KIDINS220: variants seen among roughly 807,000 people sequenced by gnomAD.
KIDINS220 encodes kinase D interacting substrate 220.
Under a neutral mutation model 157.6 loss-of-function variants are expected in KIDINS220, and 63 were observed. The ratio of observed to expected loss-of-function variants is 0.40; its 90% confidence interval spans 0.33 to 0.49. The LOEUF is 0.49. Ranked by LOEUF, KIDINS220 falls within the 20% of genes least tolerant of loss-of-function variation. The pLI, the probability that KIDINS220 is intolerant of heterozygous loss-of-function variation, is 0.66. For synonymous variants in KIDINS220, 732 were observed against 783.6 expected (o/e 0.93, Z 1.10); for missense variants, 1,772 against 2,171.2 (o/e 0.82, Z 3.65).
chr2:8,811,793 C>T (rs1201069071), intron 6 of KIDINS220, among the ~76,000 whole-genome samples: 1 of 151,850 alleles, frequency 6.6e-6, no homozygotes, highest in Non-Finnish European at 1.5e-5. Flanking sequence ...AAAAGAATAG[C>T]ACATCATTCT....
At chr2:8,779,878 TTAGAAAGCGTGA>T in intron 17 of KIDINS220, 64 bp from the exon 18 acceptor site, 1 of 1,540,218 alleles carries the variant, frequency 6.5e-7, no homozygotes. Context: ...AACATATTTC[TTAGAAAGCGTGA>T]TAGAAAGTCA....
chr2:8,733,067 T>C (rs1287147647), intron 29 of KIDINS220, among the ~76,000 whole-genome samples: 1 of 152,226 alleles, frequency 6.6e-6, no homozygotes, highest in Non-Finnish European at 1.5e-5. Context: ...GGACACTATG[T>C]GGCCAGTGTT....
intron 17 of KIDINS220, among the ~76,000 whole-genome samples, chr2:8,781,806 T>C (rs1199796610): frequency 6.6e-6 from 1 of 152,236 alleles, no homozygotes; most frequent in African/African-American, 2.4e-5. Context: ...AATGCATATA[T>C]TCGTAAAGAA....
At position 8,731,869 on chromosome 2, in the gene KIDINS220, T is replaced by C; in HGVS notation, c.4167A>G (p.Glu1389=). 3 of 1,614,164 alleles carry C rather than the reference T, an allele frequency of 1.9e-6. No homozygotes were observed. Among genetic ancestry groups the C allele is most frequent in the Non-Finnish European group, 2.5e-6 (3 of 1,180,020 alleles). The change falls in exon 30 of 30, where the codon GAA becomes GAG. Residue 1389 remains glutamate (E), a synonymous_variant. Transcript: ENST00000256707. The surrounding 1 kb of genome is among the most constrained non-coding windows in gnomAD (Gnocchi z 5.2). ...VQAEYRDAYR[E]YIAQMSQLEG... is the part of the protein sequence containing the mutation. ...CTAACTGGGACATCTGAGCAATGTATTCTCTATAGGCATCTCTATACTCGG... is the reference window on the plus strand; with the variant it reads ...CTAACTGGGACATCTGAGCAATGTACTCTCTATAGGCATCTCTATACTCGG...
In KIDINS220 at chr2:8,793,884, T is replaced by C; in HGVS notation, c.1202A>G (p.Asn401Ser). ...PKDGRLLYRP[N>S]KAGETPYNID... is the part of the protein sequence containing the mutation. ...ATTATAAGGAGTCTCGCCTGCTTTG[T>C]TGGGCCTATAAAGTAATCGCCCATC... is the stretch of plus-strand genomic sequence containing the variant. The change falls in exon 12 of 30, where the codon AAC becomes AGC. Residue 401 changes from asparagine (N) to serine (S), a missense_variant. By Grantham distance (46) the Asn-to-Ser change is conservative. Transcript: ENST00000256707. 1.9e-6 allele frequency: 3 copies of C among 1,614,018 alleles called. No individual in the cohort carries two copies. Among genetic ancestry groups the C allele is most frequent in the African/African-American group, 1.3e-5 (1 of 75,064 alleles).
intron 1 of KIDINS220, among the ~76,000 whole-genome samples, chr2:8,832,945 T>A (rs1185225250): frequency 6.6e-6 from 1 of 152,210 alleles, no homozygotes. Context: ...ATGGGGTATG[T>A]GTAATATTTG....
chr2:8,828,769 T>A (rs557689389), intron 1 of KIDINS220, among the ~76,000 whole-genome samples: 1 of 152,354 alleles, frequency 6.6e-6, no homozygotes, highest in Non-Finnish European at 1.5e-5. Context: ...TGGTGAATCC[T>A]CTTTGCCTTC....
rs941516399 is a variant in KIDINS220 at position 8,829,090 on chromosome 2, A to T, written c.-36-1961T>A. On this transcript the variant is annotated intron_variant, in intron 1 of 29. Coordinates refer to ENST00000256707, the MANE Select transcript of KIDINS220 (RefSeq NM_020738.4). ...AGGGCAGAAACTATAGCACTATATG[A>T]TTCTACTTATATAGCATTCTGGAAA... is the stretch of plus-strand genomic sequence containing the variant. Among the ~76,000 whole-genome samples, 6 of 152,216 alleles carry T rather than the reference A, an allele frequency of 3.9e-5. No individual in the cohort carries two copies. The South Asian group carries it at 8.3e-4, about 21-fold the overall frequency.
rs1292392329 is a variant in KIDINS220 at position 8,779,745 on chromosome 2, T to C, written c.2299A>G (p.Thr767Ala). The change falls in exon 18 of 30, where the codon ACA becomes GCA. Residue 767 changes from threonine (T) to alanine (A), a missense_variant. Thr to Ala is a moderately conservative substitution (Grantham distance 58, BLOSUM62 0). Around this residue, in one of 3 missense-constraint regions of KIDINS220, gnomAD observed 725 missense variants for 1,017.1 expected, o/e 0.71. Coordinates refer to ENST00000256707, the MANE Select transcript of KIDINS220 (RefSeq NM_020738.4). ...CCATCGATGATGACCACCAGCCTTG[T>C]CTGATTCTGAGTGAAGCTGTCAATG... ...KTIDSFTQNQTRLVVIIDGLD... is the reference protein window; with the variant it reads ...KTIDSFTQNQARLVVIIDGLD... 1.2e-6 allele frequency: 2 copies of C among 1,614,198 alleles called. No homozygotes were observed. Among genetic ancestry groups the C allele is most frequent in the Non-Finnish European group, 1.7e-6 (2 of 1,180,014 alleles).
At chr2:8,785,641 A>G in intron 17 of KIDINS220, 100 bp downstream of exon 17, 2 of 971,262 alleles carry the variant, frequency 2.1e-6, no homozygotes, top group South Asian at 1.6e-5. Context: ...TAAATGCAAC[A>G]CTTTAACATT....
Position 8,807,797 on chromosome 2 carries a change from G to A in KIDINS220, c.505-1428C>T, listed in dbSNP as rs116688031. Among the ~76,000 whole-genome samples the A allele has an allele frequency of 3.2e-3, 490 of 152,222 alleles. 1 individual carries two copies. Among genetic ancestry groups the A allele is most frequent in the Non-Finnish European group, 5.3e-3 (360 of 67,998 alleles). On this transcript the variant is annotated intron_variant, in intron 6 of 29. Coordinates refer to ENST00000256707, the MANE Select transcript of KIDINS220 (RefSeq NM_020738.4). ...AGGGAAAGCAGCTGCCACAGCCACCGCCTCAAAGCAGGCTTAGGAAGAACG... is the reference window on the plus strand; with the variant it reads ...AGGGAAAGCAGCTGCCACAGCCACCACCTCAAAGCAGGCTTAGGAAGAACG...
chr2:8,733,132 G>A (rs1483292904), intron 29 of KIDINS220, among the ~76,000 whole-genome samples: 1 of 152,220 alleles, frequency 6.6e-6, no homozygotes, highest in East Asian at 1.9e-4. Context: ...AAGATCGCCT[G>A]AGAAAGGCTG....
Position 8,745,527 on chromosome 2 carries a change from G to A in KIDINS220, c.3585+1618C>T, listed in dbSNP as rs150255950. On this transcript the variant is annotated intron_variant, in intron 26 of 29. Transcript: ENST00000256707. ...TAAAAAGCTACTGCTGGCCAGGCAC[G>A]GTGGCTCACACCTGTAATCCCAGCA... 3.4e-4 allele frequency among the ~76,000 whole-genome samples: 52 copies of A among 152,276 alleles called. No homozygotes were observed. The East Asian group carries it at 8.9e-3, about 26-fold the overall frequency.
At chr2:8,800,351 T>C (rs1321391884) in intron 9 of KIDINS220, 49 bp downstream of exon 9, 2 of 1,203,356 alleles carry the variant, frequency 1.7e-6, no homozygotes, top group East Asian at 2.4e-5. Context: ...AGTCAACACT[T>C]ACATGCAATT....
rs770026451 is a variant in KIDINS220, at chr2:8,734,697, C to T, written c.3774G>A (p.Glu1258=). 6 of 1,613,646 alleles carry T rather than the reference C, an allele frequency of 3.7e-6. No homozygotes were observed. In the Admixed American group the frequency reaches 8.3e-5, roughly 22 times the overall value. Residue 1258 remains glutamate (E), a synonymous_variant, in exon 28 of 30, where the codon GAG becomes GAA. Coordinates refer to ENST00000256707, the MANE Select transcript of KIDINS220 (RefSeq NM_020738.4). ...AQCNIDELKK[E]MNMNFGDWHL... Reference sequence around the variant, plus strand: ...GCCAGTCTCCAAAATTCATATTCATCTCTTTCTTCAGCTCATCAATGTTAC... The same window carrying T: ...GCCAGTCTCCAAAATTCATATTCATTTCTTTCTTCAGCTCATCAATGTTAC...
rs201737651 is a variant in KIDINS220 at position 8,731,201 on chromosome 2, G to A, written c.4835C>T (p.Ala1612Val). The A allele has an allele frequency of 3.7e-6, 6 of 1,614,030 alleles. No homozygotes were observed. The highest frequency in any genetic ancestry group is 2.7e-5 in the African/African-American group (2 of 74,928). ...GTCATCTTCCAGCTCTATGAGATTT[G>A]CCTTTTCAAGCTGGGAGTCATCCGC... ...EVADDSQLEK[A>V]NLIELEDDSH... The change falls in exon 30 of 30, where the codon GCA (alanine) becomes GTA (valine). Residue 1612 changes from alanine to valine, a missense_variant. Around this residue, in one of 3 missense-constraint regions of KIDINS220, gnomAD observed 793 missense variants for 885.5 expected, o/e 0.90. Coordinates refer to ENST00000256707, the MANE Select transcript of KIDINS220 (RefSeq NM_020738.4). The surrounding 1 kb of genome is among the most constrained non-coding windows in gnomAD (Gnocchi z 5.2).
At chr2:8,745,318 T>C (rs1393924802) in intron 26 of KIDINS220, among the ~76,000 whole-genome samples, 3 of 152,218 alleles carry the variant, frequency 2.0e-5, no homozygotes, top group African/African-American at 7.2e-5. Context: ...TGATGACCCA[T>C]GGATTAAAGA....
chr2:8,759,895 T>C lies in KIDINS220; in HGVS notation c.3012-8251A>G, dbSNP rs905557254. Among the ~76,000 whole-genome samples, 6 of 152,142 alleles carry C rather than the reference T, an allele frequency of 3.9e-5. No homozygotes were observed. The South Asian group carries it at 1.0e-3, about 26-fold the overall frequency. On this transcript the variant is annotated intron_variant, in intron 22 of 29. Coordinates refer to ENST00000256707, the MANE Select transcript of KIDINS220 (RefSeq NM_020738.4). ...ATCTAACTTCTCTCTCTGCATCCCA[T>C]AAGGTATTTATTATTTCCATTTTTA...
chr2:8,760,448 G>GA (rs1668602279), intron 22 of KIDINS220, among the ~76,000 whole-genome samples: 1 of 152,096 alleles, frequency 6.6e-6, no homozygotes, highest in South Asian at 2.1e-4. Context: ...ATAATTATAA[G>GA]AAATGTGAAC....
Sources: gnomAD v4.1 joint callset for allele counts (sites outside exome capture counted in the v4.1 genomes callset) on GRCh38, gnomAD v4.1.1 for gene constraint, gnomAD v4.1.1 regional missense constraint, Gnocchi (gnomAD v3.1) non-coding constraint, MANE v1.5 for transcripts, NCBI Gene and HGNC (gene_info 2026-07-23, HGNC 2026-07-21) for gene names.